Variants in CFAP54 observed in about 807,000 individuals in gnomAD.
CFAP54 encodes the protein cilia and flagella associated protein 54, also known as cilia- and flagella-associated protein 54.
A neutral mutation model predicts 370.4 loss-of-function variants in CFAP54; 290 were observed. The ratio of observed to expected loss-of-function variants is 0.78; its 90% CI spans 0.71 to 0.86. The LOEUF is 0.86. Ranked by LOEUF, CFAP54 falls within the 40% of genes least tolerant of loss-of-function variation. CFAP54 has a pLI of 0.00. For missense variants in CFAP54, 3,399 were observed against 3,528.7 expected, an observed-to-expected ratio of 0.96 and a Z score of 0.93; for synonymous variants, 1,206 against 1,236.5, an observed-to-expected ratio of 0.98 and a Z score of 0.52.
chr12:96,693,603 G>T, intron 44 of CFAP54, 119 bp from the exon 45 acceptor site: 1 of 602,744 alleles, frequency 1.7e-6, no homozygotes. Context: ...TAGTTTCCTA[G>T]CATGGAAAGC....
chr12:96,726,525 C>A lies in CFAP54; in HGVS notation c.6965+5960C>A, dbSNP rs188395443. On this transcript the variant is annotated intron_variant, in intron 50 of 67. Coordinates refer to ENST00000524981, the MANE Select transcript of CFAP54 (RefSeq NM_001306084.2). ...TTATGTGGGATCGGTGGTGATAACC[C>A]CTTTATCATTTTTTATTGTGTCTAT... 2.9e-3 allele frequency among the ~76,000 whole-genome samples: 436 copies of A among 152,114 alleles called. 1 individual carries two copies. Among genetic ancestry groups the A allele is most frequent in the Non-Finnish European group, 3.1e-3 (214 of 67,994 alleles).
intron 22 of CFAP54, among the ~76,000 whole-genome samples, chr12:96,582,470 A>G (rs1183582589): frequency 1.3e-5 from 2 of 152,304 alleles, no homozygotes; most frequent in East Asian, 3.9e-4. Context: ...CATTTTATAT[A>G]GCATATTTTT....
intron 14 of CFAP54, among the ~76,000 whole-genome samples, chr12:96,546,166 G>A (rs1955638376): frequency 6.6e-6 from 1 of 152,116 alleles, no homozygotes; most frequent in African/African-American, 2.4e-5. Context: ...CAGTCTTATG[G>A]GACTGAGTCC....
At chr12:96,713,144 C>G (rs1957633572) in intron 48 of CFAP54, among the ~76,000 whole-genome samples, 1 of 152,086 alleles carries the variant, frequency 6.6e-6, no homozygotes, top group Admixed American at 6.6e-5. Context: ...CCTCAAAAAA[C>G]TGAAAGTAGA....
intron 66 of CFAP54, among the ~76,000 whole-genome samples, chr12:96,840,447 T>G (rs1378909238): frequency 2.0e-5 from 3 of 152,200 alleles, no homozygotes; most frequent in Non-Finnish European, 2.9e-5. Flanking sequence ...TGATCCTTGA[T>G]TTCTTTGAAA....
chr12:96,507,166 A>C (rs1955111677), intron 4 of CFAP54, 67 bp downstream of exon 4: 1 of 1,187,920 alleles, frequency 8.4e-7, no homozygotes, highest in East Asian at 2.9e-5. Context: ...TAAGTTTGAC[A>C]GTAGCTTGAG....
At chr12:96,807,076 A>G in intron 63 of CFAP54, among the ~76,000 whole-genome samples, 1 of 152,208 alleles carries the variant, frequency 6.6e-6, no homozygotes, top group East Asian at 1.9e-4. Flanking sequence ...CCACTGCTGC[A>G]TCATATAGTA....
At chr12:96,819,323 C>T (rs920878688) in intron 65 of CFAP54, among the ~76,000 whole-genome samples, 11 of 152,186 alleles carry the variant, frequency 7.2e-5, no homozygotes, top group African/African-American at 2.4e-4. Context: ...ACATTACACA[C>T]TGGCTCATAA....
In CFAP54 at chr12:96,598,651, A is replaced by T. The variant is rs1956205271; in HGVS notation, c.3523A>T (p.Ile1175Leu). ...IVLVPVVQIL[I>L]KCIVVLQGLP... ...TTGTGATTCTAATTTTTAGATCCTG[A>T]TAAAGTGTATAGTGGTTTTGCAAGG... Residue 1175 changes from isoleucine to leucine, a missense_variant, in exon 26 of 68, where the codon ATA (isoleucine) becomes TTA (leucine). Transcript: ENST00000524981. The T allele has an allele frequency of 1.6e-6, 1 of 625,200 alleles. No individual in the cohort carries two copies. The highest frequency in any genetic ancestry group is 2.9e-6 in the Non-Finnish European group (1 of 345,928). 38.7% of individuals were successfully genotyped at this position (625,200 alleles called of 1,614,324 possible).
At chr12:96,650,288 G>C (rs566059978) in intron 35 of CFAP54, among the ~76,000 whole-genome samples, 1 of 152,234 alleles carries the variant, frequency 6.6e-6, no homozygotes, top group South Asian at 2.1e-4. Flanking sequence ...GAGGGGGGAA[G>C]CTTCTTTAGT....
At chr12:96,753,673 G>T in intron 55 of CFAP54, 70 bp from the exon 56 acceptor site, 1 of 1,457,414 alleles carries the variant, frequency 6.9e-7, no homozygotes, top group Middle Eastern at 1.8e-4. Flanking sequence ...GAGCAGTCTG[G>T]TAACTTGGAG....
At chr12:96,696,208 T>G (rs1592713068) in intron 45 of CFAP54, among the ~76,000 whole-genome samples, 1 of 152,066 alleles carries the variant, frequency 6.6e-6, no homozygotes. Flanking sequence ...AGGTTTTGGG[T>G]AGGCAGGTTG....
In CFAP54 at chr12:96,675,387, GAT is replaced by G. The variant is rs1288533847; in HGVS notation, c.5564-4211_5564-4210del. ...GAAGTGCAAATCAAAACCACAATGA[GAT>G]ACCATCTCACACCAGTTAGAATGGC... On this transcript the variant is annotated intron_variant, in intron 39 of 67. Coordinates refer to ENST00000524981, the MANE Select transcript of CFAP54 (RefSeq NM_001306084.2). Among the ~76,000 whole-genome samples the G allele has an allele frequency of 3.9e-5, 6 of 152,282 alleles. No homozygotes were observed. The South Asian group carries it at 6.2e-4, about 16-fold the overall frequency.
At chr12:96,673,725 T>C (rs1957173290) in intron 39 of CFAP54, among the ~76,000 whole-genome samples, 1 of 152,236 alleles carries the variant, frequency 6.6e-6, no homozygotes, top group Non-Finnish European at 1.5e-5. Context: ...TCATGATGGT[T>C]TCCACACCAG....
intron 19 of CFAP54, among the ~76,000 whole-genome samples, chr12:96,570,362 C>T (rs1052064063): frequency 6.6e-6 from 1 of 151,392 alleles, no homozygotes; most frequent in African/African-American, 2.4e-5. Flanking sequence ...ATTCTGACCC[C>T]TCCTCTTATG....
At chr12:96,558,598 T>C (rs940262550) in intron 17 of CFAP54, among the ~76,000 whole-genome samples, 4 of 152,208 alleles carry the variant, frequency 2.6e-5, no homozygotes, top group African/African-American at 9.6e-5. Flanking sequence ...ACACCTACAG[T>C]GAACTCATTT....
chr12:96,764,399 G>T, intron 59 of CFAP54, 150 bp downstream of exon 59: 4 of 553,456 alleles, frequency 7.2e-6, no homozygotes, highest in Middle Eastern at 4.8e-4. Context: ...GAGGCAGGAG[G>T]ATCACTTGAA....
At chr12:96,597,924 G>A (rs1222689679) in intron 25 of CFAP54, among the ~76,000 whole-genome samples, 1 of 151,798 alleles carries the variant, frequency 6.6e-6, no homozygotes, top group Non-Finnish European at 1.5e-5. Flanking sequence ...GCTGATTAGG[G>A]TGGGGAGGAA....
At chr12:96,641,844 C>A (rs11108604) in intron 32 of CFAP54, among the ~76,000 whole-genome samples, 4 of 151,288 alleles carry the variant, frequency 2.6e-5, no homozygotes, top group East Asian at 2.0e-4. Flanking sequence ...AACCAAACAT[C>A]GCATGTTCTC....
Sources: allele counts gnomAD v4.1 joint callset (sites outside exome capture counted in the v4.1 genomes callset), GRCh38; gene constraint gnomAD v4.1.1; transcripts MANE v1.5; gene names NCBI Gene and HGNC (gene_info 2026-07-23, HGNC 2026-07-21).